The following MRTFA variants were observed in gnomAD, a reference collection of about 807,000 sequenced individuals.
The protein encoded by MRTFA is myocardin-related transcription factor A.
A neutral mutation model predicts 83.5 loss-of-function variants in MRTFA; 20 were observed. The observed-to-expected ratio is 0.24, with a 90% CI of 0.17 to 0.35. The LOEUF is 0.35. MRTFA is among the 10% of genes least tolerant of loss of function. The pLI, the probability that MRTFA is intolerant of heterozygous loss-of-function variation, is 1.00. For missense variants in MRTFA, 1,200 were observed against 1,224.7 expected (o/e 0.98, Z 0.30); for synonymous variants, 659 against 541.2 (o/e 1.22, Z -3.02).
chr22:40,564,647 A>G (rs1376913972), intron 2 of MRTFA, among the ~76,000 whole-genome samples: 2 of 151,888 alleles, frequency 1.3e-5, no homozygotes, highest in African/African-American at 4.8e-5. Flanking sequence ...TTATTTTATT[A>G]TTATTTTTAT....
At chr22:40,555,575 T>G (rs2055508558) in intron 2 of MRTFA, among the ~76,000 whole-genome samples, 1 of 149,308 alleles carries the variant, frequency 6.7e-6, no homozygotes, top group Admixed American at 6.7e-5. Context: ...CCTCATAAAT[T>G]AAAAAAAATT....
At chr22:40,621,694 G>C (rs1196326651) in intron 1 of MRTFA, among the ~76,000 whole-genome samples, 1 of 152,246 alleles carries the variant, frequency 6.6e-6, no homozygotes, top group South Asian at 2.1e-4. Context: ...GAAAAAGGAA[G>C]GATAACTATG....
intron 1 of MRTFA, among the ~76,000 whole-genome samples, chr22:40,597,297 G>C (rs888727372): frequency 6.6e-6 from 1 of 152,142 alleles, no homozygotes; most frequent in Non-Finnish European, 1.5e-5. Context: ...ACATTCTCAC[G>C]AATACGTCTG....
At chr22:40,470,394 A>C (rs1341413188) in intron 3 of MRTFA, among the ~76,000 whole-genome samples, 1 of 150,222 alleles carries the variant, frequency 6.7e-6, no homozygotes, top group Non-Finnish European at 1.5e-5. Flanking sequence ...GAAATTAGAA[A>C]GTACTTTGAA....
chr22:40,539,337 C>T (rs2055247093), intron 3 of MRTFA, among the ~76,000 whole-genome samples: 2 of 142,942 alleles, frequency 1.4e-5, no homozygotes, highest in Non-Finnish European at 3.0e-5. Context: ...CAGTTATTAA[C>T]AATTTTTTTT....
chr22:40,579,883 T>C (rs1202231319), intron 2 of MRTFA, among the ~76,000 whole-genome samples: 2 of 148,330 alleles, frequency 1.3e-5, no homozygotes, highest in Non-Finnish European at 3.0e-5. Flanking sequence ...AAGACACAAA[T>C]GCTGTTATAG....
intron 3 of MRTFA, among the ~76,000 whole-genome samples, chr22:40,508,513 C>CAAAAAA (rs1175724448): frequency 3.8e-5 from 1 of 26,040 alleles, no homozygotes; most frequent in Non-Finnish European, 7.4e-5. Flanking sequence ...CTCCGTCTCT[C>CAAAAAA]AAAAAAAAAA....
At chr22:40,546,505 C>T (rs1377035636) in intron 3 of MRTFA, among the ~76,000 whole-genome samples, 1 of 152,178 alleles carries the variant, frequency 6.6e-6, no homozygotes, top group African/African-American at 2.4e-5. Context: ...AGCATAAAGA[C>T]TAAAGAGGGC....
At chr22:40,583,837 G>A (rs1022170274) in intron 2 of MRTFA, among the ~76,000 whole-genome samples, 1 of 152,130 alleles carries the variant, frequency 6.6e-6, no homozygotes, top group Non-Finnish European at 1.5e-5. Flanking sequence ...CCACGAAACT[G>A]GTCCCTGGTG....
Position 40,410,776 on chromosome 22 carries a change from CG to C in MRTFA, c.*613del, listed in dbSNP as rs2052497053. 4.3e-6 allele frequency: 1 copy of C among 231,062 alleles called. No homozygotes were observed. Among genetic ancestry groups the C allele is most frequent in the Admixed American group, 5.6e-5 (1 of 17,732 alleles). The allele number at this position is 231,062 out of a possible 1,614,324, so 14.3% of individuals were successfully genotyped here. A position where few individuals can be genotyped will look rare whatever the true frequency, so the allele number is the denominator to read the frequency against. On this transcript the variant is annotated 3_prime_UTR_variant, in exon 15 of 15. Transcript: ENST00000355630. ...GAGGGAGTTGCACCCATCTCCTGTCCGCCCCCCCCCAAAAATATATATGTAT... is the reference window on the plus strand; with the variant it reads ...GAGGGAGTTGCACCCATCTCCTGTCCCCCCCCCCCAAAAATATATATGTAT...
At chr22:40,501,982 C>A (rs1357924522) in intron 3 of MRTFA, among the ~76,000 whole-genome samples, 1 of 129,958 alleles carries the variant, frequency 7.7e-6, no homozygotes, top group African/African-American at 3.1e-5. Context: ...GGGCGGGGGG[C>A]TGACCCCCCC....
intron 3 of MRTFA, among the ~76,000 whole-genome samples, chr22:40,502,721 G>A (rs1569300575): frequency 6.6e-6 from 1 of 151,486 alleles, no homozygotes; most frequent in Non-Finnish European, 1.5e-5. Flanking sequence ...TTGCCCTCGG[G>A]CCCCGCGGGG....
intron 11 of MRTFA, among the ~76,000 whole-genome samples, 200 bp from the exon 12 acceptor site, chr22:40,419,584 G>A (rs570358196): frequency 2.0e-5 from 3 of 152,228 alleles, no homozygotes; most frequent in Non-Finnish European, 2.9e-5. Context: ...TCTAGCAGGG[G>A]TCTGGTTAAA....
intron 3 of MRTFA, among the ~76,000 whole-genome samples, chr22:40,537,253 T>C (rs866375244): frequency 3.5e-3 from 21 of 6,074 alleles, no homozygotes; most frequent in East Asian, 0.024. Context: ...GGGTCAGCCC[T>C]CCGCCCGGCC....
intron 3 of MRTFA, among the ~76,000 whole-genome samples, chr22:40,531,133 C>T (rs2055071976): frequency 6.6e-6 from 1 of 152,090 alleles, no homozygotes; most frequent in Non-Finnish European, 1.5e-5. Context: ...GAATCTTGCT[C>T]TGTCGCCCCA....
chr22:40,459,822 C>CATATATAA, intron 4 of MRTFA, among the ~76,000 whole-genome samples: 1 of 68,256 alleles, frequency 1.5e-5, no homozygotes, highest in African/African-American at 6.4e-5. Context: ...CACACACACA[C>CATATATAA]ATATATACAT....
At chr22:40,485,247 A>T (rs1214039605) in intron 3 of MRTFA, among the ~76,000 whole-genome samples, 2 of 152,156 alleles carry the variant, frequency 1.3e-5, no homozygotes, top group Non-Finnish European at 2.9e-5. Flanking sequence ...TGATTTTCAA[A>T]TCATCCCAGT....
chr22:40,456,344 C>T, intron 4 of MRTFA, among the ~76,000 whole-genome samples: 1 of 151,980 alleles, frequency 6.6e-6, no homozygotes, highest in East Asian at 1.9e-4. Flanking sequence ...TTAAAAGATT[C>T]AGGGGAGCCT....
chr22:40,621,590 C>T (rs1174273897), intron 1 of MRTFA, among the ~76,000 whole-genome samples: 1 of 152,124 alleles, frequency 6.6e-6, no homozygotes, highest in Non-Finnish European at 1.5e-5. Context: ...CTGGACAGTA[C>T]ACTTAAAAAT....
Sources: gnomAD v4.1 joint callset for allele counts (sites outside exome capture counted in the v4.1 genomes callset) on GRCh38, gnomAD v4.1.1 for gene constraint, MANE v1.5 for transcripts, NCBI Gene and HGNC (gene_info 2026-07-23, HGNC 2026-07-21) for gene names.